NRXN3: variants seen among roughly 807,000 people sequenced by gnomAD.
The protein encoded by NRXN3 is neurexin III.
Under a neutral mutation model 137.6 loss-of-function variants are expected in NRXN3, and 32 were observed. The observed-to-expected ratio is 0.23, with a 90% CI of 0.18 to 0.31. NRXN3 has a LOEUF of 0.31. Among genes scored for constraint, NRXN3 ranks in the 10% least tolerant of loss-of-function variants. The pLI is 1.00. For synonymous variants in NRXN3, 798 were observed against 784.5 expected (o/e 1.02, Z -0.29); for missense variants, 1,574 against 2,062.5 (o/e 0.76, Z 4.59).
intron 15 of NRXN3, among the ~76,000 whole-genome samples, chr14:79,063,633 ACAT>A (rs2099676995): frequency 6.6e-6 from 1 of 152,160 alleles, no homozygotes; most frequent in East Asian, 1.9e-4. Context: ...GTATTTCACC[ACAT>A]CATCACAGGC....
chr14:78,821,622 T>C (rs2098951036), intron 10 of NRXN3, among the ~76,000 whole-genome samples: 2 of 151,978 alleles, frequency 1.3e-5, no homozygotes, highest in African/African-American at 4.8e-5. Flanking sequence ...ACATGTAGTG[T>C]GTTTTATAAT....
In NRXN3 at chr14:78,978,158, A is replaced by C. The variant is rs76797475; in HGVS notation, c.3142+9812A>C. 6.2e-3 allele frequency among the ~76,000 whole-genome samples: 944 copies of C among 152,148 alleles called. 12 individuals are homozygous for C. The highest frequency in any genetic ancestry group is 0.021 in the African/African-American group (889 of 41,494). On this transcript the variant is annotated intron_variant, in intron 14 of 20. Transcript: ENST00000335750. ...ACTCTAATCATGTGACCTTTTTAAA[A>C]CCTCTGTTTGAGAAGAGGAAGCCAT...
chr14:78,782,330 G>A (rs908260245), intron 8 of NRXN3, among the ~76,000 whole-genome samples: 8 of 152,012 alleles, frequency 5.3e-5, no homozygotes, highest in Admixed American at 5.2e-4. Flanking sequence ...TGGTTTAATC[G>A]AGCTCTCCCA....
At chr14:78,196,469 G>T (rs552175052) in intron 1 of NRXN3, among the ~76,000 whole-genome samples, 1 of 152,200 alleles carries the variant, frequency 6.6e-6, no homozygotes, top group African/African-American at 2.4e-5. Context: ...TGCCCTTCTT[G>T]TGCTGGGTAG....
At chr14:78,273,734 A>G (rs780745411) in intron 2 of NRXN3, among the ~76,000 whole-genome samples, 5 of 152,232 alleles carry the variant, frequency 3.3e-5, no homozygotes, top group Admixed American at 3.3e-4. Context: ...AGATTGCAGA[A>G]GAAAAGGCAG....
rs915196143 is a variant in NRXN3, at chr14:78,701,040, G to T, written c.1222-8177G>T. On this transcript the variant is annotated intron_variant, in intron 6 of 20. Coordinates refer to ENST00000335750, the MANE Select transcript of NRXN3 (RefSeq NM_001330195.2). ...CTGCCTCGGCCTCCCAAAGTGTTGG[G>T]ATTACAGGCGTGAGCCACTGCGCCC... Among the ~76,000 whole-genome samples the T allele has an allele frequency of 6.6e-5, 10 of 152,272 alleles. No individual in the cohort carries two copies. In the East Asian group the frequency reaches 1.9e-3, roughly 29 times the overall value.
At chr14:78,943,078 G>GT (rs999527852) in intron 10 of NRXN3, among the ~76,000 whole-genome samples, 20 of 152,070 alleles carry the variant, frequency 1.3e-4, no homozygotes, top group African/African-American at 4.8e-4. Flanking sequence ...TTAAATTGGA[G>GT]TTATATGATG....
intron 2 of NRXN3, 71 bp from the exon 3 acceptor site, chr14:78,278,574 A>G (rs2073948248): frequency 1.7e-6 from 2 of 1,175,610 alleles, no homozygotes; most frequent in Non-Finnish European, 1.2e-6. Context: ...TGTGCTGCTA[A>G]CACTCTTCTT....
At position 78,377,957 on chromosome 14, in the gene NRXN3, G is replaced by A. The variant is rs375082184; in HGVS notation, c.757+80097G>A. The stretch of plus-strand genomic sequence containing the variant: ...GACATATATAGAATACCCAACAGCA[G>A]CAGAATACATATTTTTTTGCAGGTG... On this transcript the variant is annotated intron_variant, in intron 4 of 20. Transcript: ENST00000335750. 2.6e-5 allele frequency among the ~76,000 whole-genome samples: 4 copies of A among 152,266 alleles called. No homozygotes were observed. In the East Asian group the frequency reaches 7.7e-4, roughly 29 times the overall value.
chr14:79,184,319 A>G (rs1184625743), intron 15 of NRXN3, among the ~76,000 whole-genome samples: 1 of 152,246 alleles, frequency 6.6e-6, no homozygotes, highest in East Asian at 1.9e-4. Flanking sequence ...AAGATGATTC[A>G]TGCTTATTGG....
intron 19 of NRXN3, among the ~76,000 whole-genome samples, chr14:79,706,667 C>T (rs974068238): frequency 1.1e-4 from 16 of 151,854 alleles, no homozygotes; most frequent in African/African-American, 3.9e-4. Flanking sequence ...TATGCTGGCT[C>T]CTAGTGAGGC....
At chr14:79,761,948 C>T (rs2099040179) in intron 19 of NRXN3, among the ~76,000 whole-genome samples, 1 of 151,466 alleles carries the variant, frequency 6.6e-6, no homozygotes, top group African/African-American at 2.4e-5. Flanking sequence ...TGTTCCTGAC[C>T]CTGCACTCAG....
intron 4 of NRXN3, among the ~76,000 whole-genome samples, chr14:78,533,098 C>CA (rs1566664258): frequency 8.6e-6 from 1 of 116,072 alleles, no homozygotes; most frequent in African/African-American, 3.1e-5. Flanking sequence ...CTCCCTCCAG[C>CA]CTTTTTTTTT....
chr14:78,354,285 G>T (rs1461964185), intron 4 of NRXN3, among the ~76,000 whole-genome samples: 1 of 152,124 alleles, frequency 6.6e-6, no homozygotes, highest in African/African-American at 2.4e-5. Context: ...GCAGCCATAG[G>T]ACCCAAAGCA....
chr14:78,906,919 C>T (rs2099219037), intron 10 of NRXN3, among the ~76,000 whole-genome samples: 2 of 151,748 alleles, frequency 1.3e-5, no homozygotes. Flanking sequence ...GGCATGTGCT[C>T]ATTTCTGGAG....
intron 4 of NRXN3, among the ~76,000 whole-genome samples, chr14:78,452,827 G>C (rs1460525846): frequency 6.6e-6 from 1 of 152,166 alleles, no homozygotes; most frequent in Non-Finnish European, 1.5e-5. Flanking sequence ...TAGAGAGGTG[G>C]TGCTGCCAGG....
chr14:78,355,626 G>T (rs1042985296), intron 4 of NRXN3, among the ~76,000 whole-genome samples: 2 of 152,092 alleles, frequency 1.3e-5, no homozygotes, highest in African/African-American at 4.8e-5. Flanking sequence ...TGCCATGTTG[G>T]CCAGGCTGGT....
At chr14:78,351,025 C>T (rs182772744) in intron 4 of NRXN3, among the ~76,000 whole-genome samples, 10 of 152,248 alleles carry the variant, frequency 6.6e-5, no homozygotes, top group Admixed American at 2.0e-4. Flanking sequence ...TCCACTACTC[C>T]ATTGCCAGAG....
intron 6 of NRXN3, among the ~76,000 whole-genome samples, chr14:78,695,025 G>A (rs2098212150): frequency 6.6e-6 from 1 of 151,988 alleles, no homozygotes; most frequent in Non-Finnish European, 1.5e-5. Context: ...TAAAATAAAG[G>A]TGTTAACAGG....
Sources: allele counts gnomAD v4.1 joint callset (sites outside exome capture counted in the v4.1 genomes callset), GRCh38; gene constraint gnomAD v4.1.1; transcripts MANE v1.5; gene names NCBI Gene and HGNC (gene_info 2026-07-23, HGNC 2026-07-21).